RBFOX1: variants seen among roughly 807,000 people sequenced by gnomAD.
RBFOX1 encodes RNA binding fox-1 homolog 1.
RBFOX1 carries 8 observed loss-of-function variants against 57.7 expected under a neutral mutation model. The ratio of observed to expected loss-of-function variants is 0.14; its 90% CI spans 0.08 to 0.25. RBFOX1 has a LOEUF of 0.25. Among genes scored for constraint, RBFOX1 ranks in the 10% least tolerant of loss-of-function variants. The probability of loss-of-function intolerance (pLI) is 1.00; values close to 1 mark genes in which losing one functional copy is unlikely to be tolerated. For missense variants in RBFOX1, 611 were observed against 548.5 expected, an observed-to-expected ratio of 1.11 and a Z score of -1.14; for synonymous variants, 326 against 222.4, an observed-to-expected ratio of 1.47 and a Z score of -4.15.
intron 3 of RBFOX1, among the ~76,000 whole-genome samples, chr16:5,833,274 A>C (rs1179767209): frequency 6.6e-6 from 1 of 152,110 alleles, no homozygotes; most frequent in Non-Finnish European, 1.5e-5. Context: ...CAGGTGGATC[A>C]TGAGGTCAGG....
intron 2 of RBFOX1, among the ~76,000 whole-genome samples, chr16:6,558,907 G>T (rs574867796): frequency 9.2e-5 from 14 of 151,916 alleles, no homozygotes; most frequent in Admixed American, 2.6e-4. Flanking sequence ...TGTCTGGAAT[G>T]TGCCCCTCCT....
intron 1 of RBFOX1, among the ~76,000 whole-genome samples, chr16:5,254,996 A>G (rs1248182402): frequency 3.3e-5 from 5 of 152,322 alleles, no homozygotes; most frequent in Non-Finnish European, 7.4e-5. Flanking sequence ...CCCTGGCTCT[A>G]CCTGCCCAGC....
chr16:6,465,662 A>G (rs1161807645), intron 2 of RBFOX1, among the ~76,000 whole-genome samples: 2 of 146,698 alleles, frequency 1.4e-5, no homozygotes, highest in Admixed American at 6.9e-5. Flanking sequence ...ATTAAGCGCT[A>G]TTGGAGCATG....
At chr16:5,331,524 T>C (rs1323041042) in intron 1 of RBFOX1, among the ~76,000 whole-genome samples, 5 of 152,254 alleles carry the variant, frequency 3.3e-5, no homozygotes, top group African/African-American at 1.2e-4. Context: ...CCCAGGCATG[T>C]CCTTCTTAGG....
chr16:5,427,347 G>T (rs2067592973), intron 1 of RBFOX1, among the ~76,000 whole-genome samples: 1 of 152,248 alleles, frequency 6.6e-6, no homozygotes, highest in Non-Finnish European at 1.5e-5. Context: ...CACTTTAGGA[G>T]GCAGAGGTGG....
At chr16:6,840,299 C>T (rs1381730247) in intron 3 of RBFOX1, among the ~76,000 whole-genome samples, 1 of 152,152 alleles carries the variant, frequency 6.6e-6, no homozygotes, top group Admixed American at 6.5e-5. Context: ...GAAAAGGCAA[C>T]TTTAGGGTGT....
rs545308803 is a variant in RBFOX1, at chr16:6,639,271, A to G, written c.-63-15332A>G. On this transcript the variant is annotated intron_variant, in intron 2 of 15. Transcript: ENST00000550418. Reference sequence around the variant, plus strand: ...TCTGGAATCTGATGTCTTTCTGTCTATCTGATTCCTAAGAGGAAGTGAAAT... The same window carrying G: ...TCTGGAATCTGATGTCTTTCTGTCTGTCTGATTCCTAAGAGGAAGTGAAAT... Among the ~76,000 whole-genome samples the G allele has an allele frequency of 5.9e-5, 9 of 152,262 alleles. No individual in the cohort carries two copies. In the East Asian group the frequency reaches 1.5e-3, roughly 26 times the overall value.
intron 1 of RBFOX1, among the ~76,000 whole-genome samples, chr16:6,135,066 A>G (rs188133347): frequency 3.9e-5 from 6 of 152,194 alleles, no homozygotes; most frequent in Admixed American, 1.3e-4. Context: ...TCGTTGTTCA[A>G]TTCCCACCTG....
intron 3 of RBFOX1, among the ~76,000 whole-genome samples, chr16:6,876,087 C>A (rs1009231555): frequency 1.3e-5 from 2 of 151,260 alleles, no homozygotes; most frequent in Non-Finnish European, 2.9e-5. Flanking sequence ...GTAGGAGGGT[C>A]ACTTGATCCA....
At position 6,255,108 on chromosome 16, in the gene RBFOX1, G is replaced by A. The variant is rs994190353; in HGVS notation, c.-126-61887G>A. 3.9e-5 allele frequency among the ~76,000 whole-genome samples: 6 copies of A among 152,226 alleles called. No homozygotes were observed. In the South Asian group the frequency reaches 1.0e-3, roughly 26 times the overall value. ...ACCTGTTTTTCAGCTCAGCAGGCTG[G>A]GGAGAGAGATAAACAAGAAAGAAAG... On this transcript the variant is annotated intron_variant, in intron 1 of 15. Transcript: ENST00000550418.
In RBFOX1 at chr16:7,227,826, A is replaced by C. The variant is rs143527560; in HGVS notation, c.27+175728A>C. On this transcript the variant is annotated intron_variant, in intron 4 of 15. Coordinates refer to ENST00000550418, the MANE Select transcript of RBFOX1 (RefSeq NM_018723.4). ...ATCACGGCAGCTGCATGTGTGGGTA[A>C]GCCCACGGTGATGATGACTTCTGTA... Among the ~76,000 whole-genome samples the C allele has an allele frequency of 7.7e-3, 1,177 of 152,334 alleles. 8 individuals are homozygous for C. Among genetic ancestry groups the C allele is most frequent in the South Asian group, 0.021 (100 of 4,824 alleles).
chr16:7,247,752 G>A (rs2094358070), intron 4 of RBFOX1, among the ~76,000 whole-genome samples: 1 of 152,120 alleles, frequency 6.6e-6, no homozygotes, highest in Non-Finnish European at 1.5e-5. Flanking sequence ...CCATTGCAGG[G>A]AGCAAGGTCG....
At chr16:7,091,146 G>C (rs564760532) in intron 4 of RBFOX1, among the ~76,000 whole-genome samples, 1 of 152,094 alleles carries the variant, frequency 6.6e-6, no homozygotes, top group South Asian at 2.1e-4. Context: ...TTTTTAGTTG[G>C]TTGAAACAAA....
At chr16:7,211,019 C>T (rs768678882) in intron 4 of RBFOX1, among the ~76,000 whole-genome samples, 2 of 151,222 alleles carry the variant, frequency 1.3e-5, no homozygotes, top group African/African-American at 2.4e-5. Context: ...AATCACTTCA[C>T]TCTGTATGTG....
chr16:6,114,998 T>G (rs2096483894), intron 1 of RBFOX1, among the ~76,000 whole-genome samples: 1 of 152,146 alleles, frequency 6.6e-6, no homozygotes, highest in South Asian at 2.1e-4. Context: ...AGGGGTGGGT[T>G]ATTTAGAACT....
chr16:7,634,225 C>A (rs183269620), intron 11 of RBFOX1, among the ~76,000 whole-genome samples: 2 of 152,268 alleles, frequency 1.3e-5, no homozygotes, highest in Admixed American at 6.5e-5. Context: ...ATATGTTCCT[C>A]ATTTCTGTTT....
At chr16:7,351,049 G>A (rs921917532) in intron 4 of RBFOX1, among the ~76,000 whole-genome samples, 1 of 152,222 alleles carries the variant, frequency 6.6e-6, no homozygotes, top group African/African-American at 2.4e-5. Flanking sequence ...TCCATCACAG[G>A]ACAGTTCTGT....
intron 3 of RBFOX1, among the ~76,000 whole-genome samples, chr16:6,733,382 T>A (rs1206129520): frequency 6.6e-6 from 1 of 152,220 alleles, no homozygotes; most frequent in Non-Finnish European, 1.5e-5. Context: ...TACACCCATG[T>A]GTCAGAGCAA....
At position 7,362,349 on chromosome 16, in the gene RBFOX1, GTGTT is replaced by G. The variant is rs200734814; in HGVS notation, c.28-155794_28-155791del. ...GTTTTGTGTGTATGTTAGTGTATGT[GTGTT>G]TGTGTGTATGCTAGTGTGTGTGTAT... On this transcript the variant is annotated intron_variant, in intron 4 of 15. Transcript: ENST00000550418. Among the ~76,000 whole-genome samples, 755 of 150,616 alleles carry G rather than the reference GTGTT, an allele frequency of 5.0e-3. 7 individuals carry two copies. Among genetic ancestry groups the G allele is most frequent in the African/African-American group, 0.017 (702 of 40,684 alleles).
Sources: gnomAD v4.1 joint callset for allele counts (sites outside exome capture counted in the v4.1 genomes callset) on GRCh38, gnomAD v4.1.1 for gene constraint, MANE v1.5 for transcripts, NCBI Gene and HGNC (gene_info 2026-07-23, HGNC 2026-07-21) for gene names.